Variants in PNO1 observed in about 807,000 individuals in gnomAD.
PNO1 encodes RNA-binding protein PNO1.
Under a neutral mutation model 28.4 loss-of-function variants are expected in PNO1, and 16 were observed. That is an observed-to-expected ratio of 0.56 (90% confidence interval 0.38 to 0.85). PNO1 has a LOEUF of 0.85. Ranked by LOEUF, PNO1 falls within the 40% of genes least tolerant of loss-of-function variation. The pLI is 0.00. For missense variants in PNO1, 304 were observed against 312.2 expected, an observed-to-expected ratio of 0.97 and a Z score of 0.20; for synonymous variants, 115 against 110.8, an observed-to-expected ratio of 1.04 and a Z score of -0.24.
At position 68,175,164 on chromosome 2, in the gene PNO1, C is replaced by G. The variant is rs893483088; in HGVS notation, c.*362C>G. ...ATATTTATAAATTTATAACTTCATA[C>G]AAATTTATAAACATTTCTTTATAAA... On this transcript the variant is annotated 3_prime_UTR_variant, in exon 7 of 7. Transcript: ENST00000263657. The G allele has an allele frequency of 6.3e-6, 1 of 158,890 alleles. No individual in the cohort carries two copies. Among genetic ancestry groups the G allele is most frequent in the Non-Finnish European group, 1.4e-5 (1 of 72,542 alleles). 9.8% of individuals were successfully genotyped at this position (158,890 alleles called of 1,614,324 possible).
intron 4 of PNO1, 84 bp from the exon 5 acceptor site, chr2:68,162,462 A>C: frequency 9.0e-7 from 1 of 1,116,230 alleles, no homozygotes; most frequent in Non-Finnish European, 1.3e-6. Context: ...CCTTTAGAGA[A>C]ATTTAGTTTA....
chr2:68,168,503 G>A (rs1370568841), intron 5 of PNO1, among the ~76,000 whole-genome samples: 1 of 152,158 alleles, frequency 6.6e-6, no homozygotes, highest in East Asian at 1.9e-4. Context: ...CTAGCTGTTG[G>A]TGAGCTGTAA....
chr2:68,160,195 T>TC (rs1673795739), intron 2 of PNO1, among the ~76,000 whole-genome samples: 1 of 151,826 alleles, frequency 6.6e-6, no homozygotes, highest in South Asian at 2.1e-4. Flanking sequence ...GGTCTTGATC[T>TC]CCTGACCTCA....
chr2:68,173,720 C>A (rs1241336663), intron 6 of PNO1, among the ~76,000 whole-genome samples: 1 of 151,274 alleles, frequency 6.6e-6, no homozygotes, highest in Non-Finnish European at 1.5e-5. Flanking sequence ...GTAGCTGAGA[C>A]TAAAGACGCC....
chr2:68,157,893 T>C lies in PNO1; in HGVS notation c.-42T>C, dbSNP rs745553956. The C allele has an allele frequency of 2.5e-6, 4 of 1,574,020 alleles. No homozygotes were observed. The highest frequency in any genetic ancestry group is 2.6e-6 in the Non-Finnish European group (3 of 1,145,216). ...GAGGCTGGCTTCTGCGTGGTGCAGC[T>C]GCGCACGTGTTTCAGCCGGCAGCGC... On this transcript the variant is annotated 5_prime_UTR_variant, in exon 1 of 7. Coordinates refer to ENST00000263657, the MANE Select transcript of PNO1 (RefSeq NM_020143.4).
At chr2:68,159,150 C>T (rs1391989993) in intron 2 of PNO1, among the ~76,000 whole-genome samples, 10 of 151,954 alleles carry the variant, frequency 6.6e-5, no homozygotes, top group African/African-American at 2.2e-4. Flanking sequence ...ATGGTATGAG[C>T]GGTTGGTCAC....
intron 2 of PNO1, 35 bp downstream of exon 2, chr2:68,158,564 G>T: frequency 6.3e-7 from 1 of 1,581,724 alleles, no homozygotes; most frequent in Non-Finnish European, 8.6e-7. Flanking sequence ...CAATACACCA[G>T]GCTTTCTCTC....
Position 68,157,897 on chromosome 2 carries a change from C to T in PNO1, c.-38C>T, listed in dbSNP as rs1673696027. The T allele has an allele frequency of 6.3e-6, 10 of 1,579,576 alleles. No individual in the cohort carries two copies. The highest frequency in any genetic ancestry group is 1.3e-5 in the African/African-American group (1 of 74,142). On this transcript the variant is annotated 5_prime_UTR_variant, in exon 1 of 7. Coordinates refer to ENST00000263657, the MANE Select transcript of PNO1 (RefSeq NM_020143.4). The stretch of plus-strand genomic sequence containing the variant: ...CTGGCTTCTGCGTGGTGCAGCTGCG[C>T]ACGTGTTTCAGCCGGCAGCGCTTTA...
At chr2:68,161,442 G>A (rs561370928) in intron 2 of PNO1, 1 of 496,548 alleles carries the variant, frequency 2.0e-6, no homozygotes, top group Admixed American at 3.3e-5. Flanking sequence ...ATCATATAGT[G>A]CGGTTAGTTA....
intron 3 of PNO1, 50 bp downstream of exon 3, chr2:68,161,816 T>A: frequency 8.1e-7 from 1 of 1,228,934 alleles, no homozygotes. Flanking sequence ...ATATTCAATG[T>A]GAACATTTCA....
intron 5 of PNO1, among the ~76,000 whole-genome samples, chr2:68,172,482 AC>A (rs1373239024): frequency 6.6e-6 from 1 of 152,234 alleles, no homozygotes; most frequent in Non-Finnish European, 1.5e-5. Flanking sequence ...TGTACAGGGC[AC>A]AGTGAAAACA....
At chr2:68,171,345 A>G (rs937456973) in intron 5 of PNO1, among the ~76,000 whole-genome samples, 3 of 152,240 alleles carry the variant, frequency 2.0e-5, no homozygotes, top group African/African-American at 4.8e-5. Context: ...CTGGCTGCAC[A>G]GCCATCATCC....
intron 5 of PNO1, among the ~76,000 whole-genome samples, chr2:68,164,708 G>T (rs1673930177): frequency 6.6e-6 from 1 of 152,054 alleles, no homozygotes; most frequent in African/African-American, 2.4e-5. Flanking sequence ...CAGGTGGGAG[G>T]ATTGCTTGAA....
intron 5 of PNO1, among the ~76,000 whole-genome samples, chr2:68,167,276 T>A (rs571212479): frequency 4.6e-5 from 7 of 152,184 alleles, no homozygotes; most frequent in African/African-American, 7.2e-5. Context: ...TTGTTGCCTT[T>A]CGGTATTGAA....
intron 3 of PNO1, among the ~76,000 whole-genome samples, 156 bp downstream of exon 3, chr2:68,161,922 G>T (rs918730932): frequency 6.6e-6 from 1 of 151,292 alleles, no homozygotes; most frequent in South Asian, 2.1e-4. Flanking sequence ...ATCACTTGAG[G>T]CCAGGAGTTC....
At chr2:68,165,696 T>G (rs1439790385) in intron 5 of PNO1, among the ~76,000 whole-genome samples, 1 of 152,056 alleles carries the variant, frequency 6.6e-6, no homozygotes, top group African/African-American at 2.4e-5. Flanking sequence ...AAAAAAGAAT[T>G]TAGAAATCTA....
chr2:68,161,825 C>A, intron 3 of PNO1, 59 bp downstream of exon 3: 23 of 1,079,744 alleles, frequency 2.1e-5, no homozygotes, highest in Non-Finnish European at 2.8e-5. Flanking sequence ...GTGAACATTT[C>A]AATGGATTAG....
rs2103698010 is a variant in PNO1 at position 68,174,860 on chromosome 2, T to C, written c.*58T>C. On this transcript the variant is annotated 3_prime_UTR_variant, in exon 7 of 7. Transcript: ENST00000263657. ...GACTCTGGTGAAAAATACTTTACAG[T>C]GGTCGGTCACAAGAAACCAGCTGAA... is the stretch of plus-strand genomic sequence containing the variant. The C allele has an allele frequency of 9.2e-7, 1 of 1,091,004 alleles. No homozygotes were observed. 67.6% of individuals were successfully genotyped at this position (1,091,004 alleles called of 1,614,324 possible).
chr2:68,173,468 A>G (rs1444914239), intron 6 of PNO1, 51 bp downstream of exon 6: 3 of 1,142,462 alleles, frequency 2.6e-6, no homozygotes, highest in Non-Finnish European at 4.0e-6. Flanking sequence ...ATAGGAAGTT[A>G]ATTGAGGAAG....
Sources: gnomAD v4.1 joint callset for allele counts (sites outside exome capture counted in the v4.1 genomes callset) on GRCh38, gnomAD v4.1.1 for gene constraint, MANE v1.5 for transcripts, NCBI Gene and HGNC (gene_info 2026-07-23, HGNC 2026-07-21) for gene names.